Variants in SH3RF2 observed in about 807,000 individuals in gnomAD.
The protein encoded by SH3RF2 is E3 ubiquitin-protein ligase SH3RF2.
A neutral mutation model predicts 59.0 loss-of-function variants in SH3RF2; 43 were observed. The observed-to-expected ratio is 0.73, with a 90% confidence interval of 0.57 to 0.94. The LOEUF is 0.94. Ranked by LOEUF, SH3RF2 falls within the 40% of genes least tolerant of loss-of-function variation. The pLI, the probability that SH3RF2 is intolerant of heterozygous loss-of-function variation, is 0.00. For missense variants in SH3RF2, 930 were observed against 940.1 expected (o/e 0.99, Z 0.14); for synonymous variants, 391 against 391.5 (o/e 1.00, Z 0.01).
In SH3RF2 at chr5:146,011,591, C is replaced by T. The variant is rs1047804165; in HGVS notation, c.745-2156C>T. 1.1e-4 allele frequency among the ~76,000 whole-genome samples: 17 copies of T among 152,210 alleles called. 3 individuals are homozygous for T. Among genetic ancestry groups the T allele is most frequent in the African/African-American group, 3.9e-4 (16 of 41,534 alleles). ...TTTGTAGTTCTCCTTGAAGAAGTCCCTCACATCCCTTGTAAGTTGGATTCC... is the reference window on the plus strand; with the variant it reads ...TTTGTAGTTCTCCTTGAAGAAGTCCTTCACATCCCTTGTAAGTTGGATTCC... On this transcript the variant is annotated intron_variant, in intron 4 of 9. Coordinates refer to ENST00000359120, the MANE Select transcript of SH3RF2 (RefSeq NM_152550.4).
chr5:146,039,337 C>T (rs1762049024), intron 5 of SH3RF2, among the ~76,000 whole-genome samples: 1 of 152,054 alleles, frequency 6.6e-6, no homozygotes. Flanking sequence ...AAAGACACCA[C>T]AGAGTAAAAA....
chr5:146,000,968 G>A lies in SH3RF2; in HGVS notation c.648+641G>A, dbSNP rs76096643. 2.0e-3 allele frequency among the ~76,000 whole-genome samples: 298 copies of A among 152,196 alleles called. 2 individuals are homozygous for A. The highest frequency in any genetic ancestry group is 6.9e-3 in the African/African-American group (288 of 41,520). Reference sequence around the variant, plus strand: ...CAGGGTATTCTTGCAACCAAGTTATGGTTACCTAATTCTACTCATTTACAT... The same window carrying A: ...CAGGGTATTCTTGCAACCAAGTTATAGTTACCTAATTCTACTCATTTACAT... On this transcript the variant is annotated intron_variant, in intron 3 of 9. Coordinates refer to ENST00000359120, the MANE Select transcript of SH3RF2 (RefSeq NM_152550.4).
At chr5:146,058,732 C>T (rs1762771088) in intron 8 of SH3RF2, among the ~76,000 whole-genome samples, 1 of 152,110 alleles carries the variant, frequency 6.6e-6, no homozygotes, top group Non-Finnish European at 1.5e-5. Flanking sequence ...GTGTCTCCTC[C>T]ACTTCCCCAC....
chr5:145,954,387 A>T (rs933581020), intron 2 of SH3RF2, among the ~76,000 whole-genome samples: 4 of 152,104 alleles, frequency 2.6e-5, no homozygotes, highest in Non-Finnish European at 5.9e-5. Context: ...TTCCTTGCCC[A>T]CTTTTTAATA....
chr5:146,064,832 G>GAA (rs1167624467), downstream of SH3RF2, among the ~76,000 whole-genome samples: 21 of 13,512 alleles, frequency 1.6e-3, no homozygotes, highest in South Asian at 0.021. Context: ...AAGAAAGAAA[G>GAA]AAAGAAAGAA....
intron 7 of SH3RF2, 100 bp from the exon 8 acceptor site, chr5:146,055,881 T>C: frequency 7.8e-7 from 1 of 1,282,862 alleles, no homozygotes; most frequent in Non-Finnish European, 1.1e-6. Context: ...TAGCCACATT[T>C]GGTATGTGGT....
chr5:145,987,230 G>A (rs1759746305), intron 2 of SH3RF2, among the ~76,000 whole-genome samples: 1 of 152,276 alleles, frequency 6.6e-6, no homozygotes. Flanking sequence ...TGGGGTACAG[G>A]TGGTGTTTGG....
At position 145,937,504 on chromosome 5, in the gene SH3RF2, G is replaced by T. The variant is rs192886640; in HGVS notation, c.-106-319G>T. Among the ~76,000 whole-genome samples the T allele has an allele frequency of 1.4e-3, 213 of 152,250 alleles. 1 individual carries two copies. Among genetic ancestry groups the T allele is most frequent in the African/African-American group, 5.0e-3 (208 of 41,552 alleles). The stretch of plus-strand genomic sequence containing the variant: ...CTGTCCAGGAGCTTTCCCCGGGCAG[G>T]GGGTAAAGGACCTCTTCCCGCCCTG... On this transcript the variant is annotated intron_variant, in intron 1 of 9. Transcript: ENST00000359120.
intron 5 of SH3RF2, among the ~76,000 whole-genome samples, chr5:146,015,427 T>C (rs1364628971): frequency 2.0e-5 from 3 of 152,138 alleles, no homozygotes; most frequent in African/African-American, 7.2e-5. Context: ...TATTAATAGA[T>C]GCTTTATGCC....
At chr5:145,986,350 C>T (rs1759704867) in intron 2 of SH3RF2, among the ~76,000 whole-genome samples, 2 of 152,170 alleles carry the variant, frequency 1.3e-5, no homozygotes, top group South Asian at 4.1e-4. Flanking sequence ...TTGTTTGACT[C>T]ATTTTTTTCT....
In SH3RF2 at chr5:145,979,835, T is replaced by C. The variant is rs1759442572; in HGVS notation, c.379-20223T>C. 2.0e-5 allele frequency among the ~76,000 whole-genome samples: 3 copies of C among 152,198 alleles called. No homozygotes were observed. In the South Asian group the frequency reaches 6.2e-4, roughly 31 times the overall value. The stretch of plus-strand genomic sequence containing the variant: ...ATATCTATCCACCAGGCACTTACTA[T>C]GCATTATTCACTGACTTCTCAAAAC... On this transcript the variant is annotated intron_variant, in intron 2 of 9. Transcript: ENST00000359120.
intron 2 of SH3RF2, among the ~76,000 whole-genome samples, chr5:145,986,036 A>AATAT (rs1759691419): frequency 7.3e-6 from 1 of 137,182 alleles, no homozygotes; most frequent in Non-Finnish European, 1.5e-5. Context: ...TAAATAAATA[A>AATAT]ATAAATAAAT....
intron 2 of SH3RF2, among the ~76,000 whole-genome samples, chr5:145,964,861 G>A (rs1415304239): frequency 6.6e-6 from 1 of 152,086 alleles, no homozygotes; most frequent in Non-Finnish European, 1.5e-5. Flanking sequence ...TCATTTCGTA[G>A]GCTTTTGTTA....
intron 2 of SH3RF2, among the ~76,000 whole-genome samples, chr5:145,982,054 C>T (rs4913056): frequency 0.13 from 19,388 of 152,206 alleles, 1,387 homozygotes; most frequent in East Asian, 0.25. Flanking sequence ...TTTTAAGTGG[C>T]AGTGGCTGTG....
rs1024697103 is a variant in SH3RF2 at position 145,940,797 on chromosome 5, A to G, written c.378+2491A>G. Among the ~76,000 whole-genome samples, 6 of 152,222 alleles carry G rather than the reference A, an allele frequency of 3.9e-5. No individual in the cohort carries two copies. The South Asian group carries it at 1.0e-3, about 26-fold the overall frequency. On this transcript the variant is annotated intron_variant, in intron 2 of 9. Transcript: ENST00000359120. ...TGTAAAATGGGAAGATGTCATGTAT[A>G]AAAACAGACAGCTACTGTGAGGTTT...
At chr5:146,052,826 C>G (rs1762545189) in intron 7 of SH3RF2, among the ~76,000 whole-genome samples, 1 of 152,088 alleles carries the variant, frequency 6.6e-6, no homozygotes, top group South Asian at 2.1e-4. Flanking sequence ...CAGCTGAGTT[C>G]CTACTATTAT....
At chr5:145,977,423 A>C (rs921000883) in intron 2 of SH3RF2, among the ~76,000 whole-genome samples, 2 of 152,348 alleles carry the variant, frequency 1.3e-5, no homozygotes, top group African/African-American at 4.8e-5. Flanking sequence ...TGCCAGGCAC[A>C]GTTCTAGGGG....
At chr5:146,022,070 T>C (rs1355247462) in intron 5 of SH3RF2, among the ~76,000 whole-genome samples, 9 of 152,162 alleles carry the variant, frequency 5.9e-5, no homozygotes, top group Admixed American at 2.0e-4. Context: ...TAAAAGAAAA[T>C]TTCAAACGTA....
intron 2 of SH3RF2, among the ~76,000 whole-genome samples, chr5:145,980,894 T>C (rs749280776): frequency 6.6e-6 from 1 of 152,178 alleles, no homozygotes; most frequent in Non-Finnish European, 1.5e-5. Flanking sequence ...ATTGCATCTA[T>C]ATCCCATTCA....
Sources: allele counts gnomAD v4.1 joint callset (sites outside exome capture counted in the v4.1 genomes callset), GRCh38; gene constraint gnomAD v4.1.1; transcripts MANE v1.5; gene names NCBI Gene and HGNC (gene_info 2026-07-23, HGNC 2026-07-21).